ZP2: variants seen among roughly 807,000 people sequenced by gnomAD.
The protein encoded by ZP2 is zona pellucida glycoprotein 2, also known as zona pellucida sperm-binding protein 2.
In ZP2, 51 loss-of-function variants were observed where a neutral mutation model predicts 84.0. That is an observed-to-expected ratio of 0.61 (90% confidence interval 0.49 to 0.77). The LOEUF (loss-of-function observed/expected upper bound fraction) is 0.77. Ranked by LOEUF, ZP2 falls within the 30% of genes least tolerant of loss-of-function variation. The probability of loss-of-function intolerance (pLI) is 0.00; values close to 1 mark genes in which losing one functional copy is unlikely to be tolerated. For synonymous variants in ZP2, 375 were observed against 330.9 expected (o/e 1.13, Z -1.45); for missense variants, 909 against 911.9 (o/e 1.00, Z 0.04).
Position 21,197,552 on chromosome 16 carries a change from G to T in ZP2, c.2166C>A (p.Ala722=), listed in dbSNP as rs558297458. Residue 722 remains alanine, a synonymous_variant, in exon 19 of 19, where the codon GCC becomes GCA. Transcript: ENST00000574091. ...CTAGAGTTGCCACCACACCTGCAAA[G>T]GCAGCCACAGCAGCCACAGCTTTGG... ...VGSKAVAAVA[A]FAGVVATLGF... 11 of 1,614,116 alleles carry T rather than the reference G, an allele frequency of 6.8e-6. No homozygotes were observed. In the African/African-American group the frequency reaches 1.5e-4, roughly 22 times the overall value.
rs1253736696 is a variant in ZP2, at chr16:21,197,520, A to G, written c.2198T>C (p.Ile733Thr). The change falls in exon 19 of 19, where the codon ATC becomes ACC. Residue 733 changes from isoleucine (I) to threonine (T), a missense_variant. By Grantham distance (89) the Ile-to-Thr change is moderately conservative. Coordinates refer to ENST00000574091, the MANE Select transcript of ZP2 (RefSeq NM_001376232.1). Reference sequence around the variant, plus strand: ...AGTCCTTTTCTCGTACAGGTAGTAGATGAAGCCTAGAGTTGCCACCACACC... The same window carrying G: ...AGTCCTTTTCTCGTACAGGTAGTAGGTGAAGCCTAGAGTTGCCACCACACC... ...FAGVVATLGF[I>T]YYLYEKRTVS... 1.9e-6 allele frequency: 3 copies of G among 1,614,076 alleles called. No homozygotes were observed. The African/African-American group carries it at 4.0e-5, about 22-fold the overall frequency.
In ZP2 at chr16:21,197,705, G is replaced by C. The variant is rs540680176; in HGVS notation, c.2095+61C>G. On this transcript the variant is annotated intron_variant, in intron 18 of 18. Transcript: ENST00000574091. ...CCTTACATAAGGCTCCCCAGAGAAG[G>C]GGGTAAAACTAAGCCTTCAACAGGC... is the stretch of plus-strand genomic sequence containing the variant. 171 of 1,612,416 alleles carry C rather than the reference G, an allele frequency of 1.1e-4. No homozygotes were observed. The African/African-American group carries it at 1.9e-3, about 18-fold the overall frequency.
chr16:21,197,788 T>C lies in ZP2; in HGVS notation c.2073A>G (p.Thr691=). ...TACCTCGTGAGCCAACCTCCTCCCC[T>C]GTTTCACTCCTACTCTTCTCCCCAC... The part of the protein sequence containing the change: ...GSSGEKSRSE[T]GEEVGSRGAM... The change falls in exon 18 of 19, where the codon ACA becomes ACG. Residue 691 remains threonine, a synonymous_variant. Coordinates refer to ENST00000574091, the MANE Select transcript of ZP2 (RefSeq NM_001376232.1). 1 of 1,614,118 alleles carries C rather than the reference T, an allele frequency of 6.2e-7. No homozygotes were observed. Among genetic ancestry groups the C allele is most frequent in the Non-Finnish European group, 8.5e-7 (1 of 1,179,958 alleles).
chr16:21,211,570 A>G lies in ZP2; in HGVS notation c.-23T>C. 4 of 1,614,036 alleles carry G rather than the reference A, an allele frequency of 2.5e-6. No individual in the cohort carries two copies. Among genetic ancestry groups the G allele is most frequent in the Non-Finnish European group, 3.4e-6 (4 of 1,180,026 alleles). On this transcript the variant is annotated 5_prime_UTR_variant, in exon 1 of 19. Coordinates refer to ENST00000574091, the MANE Select transcript of ZP2 (RefSeq NM_001376232.1). The stretch of plus-strand genomic sequence containing the variant: ...CATAGCAGAAGACACTACCAGATCA[A>G]CCAGGTAGAGGGTAGGCTGCTCTGT...
In ZP2 at chr16:21,211,525, C is replaced by A. The variant is rs746339116; in HGVS notation, c.23G>T (p.Gly8Val). Residue 8 changes from glycine to valine, a missense_variant, in exon 1 of 19, where the codon GGC (glycine) becomes GTC (valine). Transcript: ENST00000574091. ...GAACCAGCCTGAGGGACTCCAAGAG[C>A]CTCCTCTCTGCCTGCACGCCATAGC... Reference protein sequence around the residue: MACRQRGGSWSPSGWFNA... With the variant: MACRQRGVSWSPSGWFNA... The A allele has an allele frequency of 3.7e-6, 6 of 1,614,086 alleles. No homozygotes were observed. The African/African-American group carries it at 8.0e-5, about 22-fold the overall frequency.
chr16:21,208,314 G>T (rs2093259604), intron 4 of ZP2, among the ~76,000 whole-genome samples: 1 of 152,172 alleles, frequency 6.6e-6, no homozygotes, highest in African/African-American at 2.4e-5. Context: ...TGTTGAGAAG[G>T]TCTGTTTTAG....
Position 21,203,252 on chromosome 16 carries a change from C to A in ZP2, c.973-1G>T. 6.2e-7 allele frequency: 1 copy of A among 1,613,310 alleles called. No individual in the cohort carries two copies. The highest frequency in any genetic ancestry group is 8.5e-7 in the Non-Finnish European group (1 of 1,179,648). The stretch of plus-strand genomic sequence containing the variant: ...GATGGAGTAGGCATTTTTCAGATAA[C>A]TGAAATGAGAAAATGTCAATTAGCA... On this transcript the variant is annotated splice_acceptor_variant, in intron 9 of 18. Transcript: ENST00000574091. LOFTEE classifies it high-confidence loss of function.
chr16:21,208,973 A>C (rs2152856426), intron 4 of ZP2, among the ~76,000 whole-genome samples: 1 of 152,314 alleles, frequency 6.6e-6, no homozygotes, highest in South Asian at 2.1e-4. Flanking sequence ...CAAGTACTTG[A>C]ATGCCAGGGT....
chr16:21,198,749 C>T, intron 17 of ZP2, 30 bp downstream of exon 17: 1 of 1,602,864 alleles, frequency 6.2e-7, no homozygotes, highest in Non-Finnish European at 8.5e-7. Context: ...AACTTGAATC[C>T]AGGAAGTACT....
chr16:21,202,137 G>A lies in ZP2; in HGVS notation c.1254C>T (p.His418=). The A allele has an allele frequency of 6.2e-7, 1 of 1,613,000 alleles. No individual in the cohort carries two copies. ...TCGTTCCACATCCATTCAGGGGTATGTGGAACCGTACCAGCCCCTGAGACT... is the reference window on the plus strand; with the variant it reads ...TCGTTCCACATCCATTCAGGGGTATATGGAACCGTACCAGCCCCTGAGACT... ...EAQSQGLVRF[H]IPLNGCGTRY... Residue 418 remains histidine (H), a synonymous_variant, in exon 11 of 19, where the codon CAC becomes CAT. Coordinates refer to ENST00000574091, the MANE Select transcript of ZP2 (RefSeq NM_001376232.1).
In ZP2 at chr16:21,207,080, C is replaced by A. The variant is rs558280413; in HGVS notation, c.331-90G>T. 1.4e-4 allele frequency: 206 copies of A among 1,495,540 alleles called. 2 individuals are homozygous for A. In the South Asian group the frequency reaches 2.3e-3, roughly 17 times the overall value. 92.6% of individuals were successfully genotyped at this position (1,495,540 alleles called of 1,614,324 possible). A position where few individuals can be genotyped will look rare whatever the true frequency, so the allele number is the denominator to read the frequency against. ...ATCTGACCCATCTGAGTGGGAAAAC[C>A]CTTAAAGTTACTAATACCACAAGTG... On this transcript the variant is annotated intron_variant, in intron 4 of 18. Coordinates refer to ENST00000574091, the MANE Select transcript of ZP2 (RefSeq NM_001376232.1).
At chr16:21,208,228 T>C (rs1364852832) in intron 4 of ZP2, among the ~76,000 whole-genome samples, 1 of 152,194 alleles carries the variant, frequency 6.6e-6, no homozygotes, top group African/African-American at 2.4e-5. Flanking sequence ...AAAGAGACCA[T>C]GGACTGCGTT....
At position 21,205,475 on chromosome 16, in the gene ZP2, T is replaced by C. The variant is rs1567214919; in HGVS notation, c.638A>G (p.Asn213Ser). Residue 213 changes from asparagine to serine, a missense_variant, in exon 7 of 19, where the codon AAC becomes AGC. Physicochemically the swap from Asn to Ser is conservative, Grantham distance 46. Transcript: ENST00000574091. The stretch of plus-strand genomic sequence containing the variant: ...TGGCACATGGAAGGTCATCCTGTGG[T>C]TGTCAATCAAGAGGCTGAAGCCTTC... ...MKEGFSLLID[N>S]HRMTFHVPFN... 1 of 1,613,948 alleles carries C rather than the reference T, an allele frequency of 6.2e-7. No individual in the cohort carries two copies. The highest frequency in any genetic ancestry group is 8.5e-7 in the Non-Finnish European group (1 of 1,179,992).
chr16:21,201,803 C>G lies in ZP2; in HGVS notation c.1407G>C (p.Arg469Ser), dbSNP rs368803645. The G allele has an allele frequency of 6.2e-7, 1 of 1,613,934 alleles. No homozygotes were observed. The highest frequency in any genetic ancestry group is 8.5e-7 in the Non-Finnish European group (1 of 1,180,004). ...CGTTGATGTTTAGTAGCATGTCATT[C>G]CTGCTATAAGAACACTTCACTGTCA... Reference protein sequence around the residue: ...FRMTVKCSYSRNDMLLNINVE... With the variant: ...FRMTVKCSYSSNDMLLNINVE... Residue 469 changes from arginine to serine, a missense_variant, in exon 13 of 19, where the codon AGG (arginine) becomes AGC (serine). Transcript: ENST00000574091.
chr16:21,201,761 A>T lies in ZP2; in HGVS notation c.1449T>A (p.Pro483=), dbSNP rs763972093. The T allele has an allele frequency of 6.2e-7, 1 of 1,614,124 alleles. No individual in the cohort carries two copies. Among genetic ancestry groups the T allele is most frequent in the Non-Finnish European group, 8.5e-7 (1 of 1,180,020 alleles). Residue 483 remains proline, a synonymous_variant, in exon 13 of 19, where the codon CCT becomes CCA. Coordinates refer to ENST00000574091, the MANE Select transcript of ZP2 (RefSeq NM_001376232.1). ...LLNINVESLT[P]PVASVKLGPF... Reference sequence around the variant, plus strand: ...GACCCAACTTCACTGAGGCCACTGGAGGAGTAAGGCTTTCAACGTTGATGT... The same window carrying T: ...GACCCAACTTCACTGAGGCCACTGGTGGAGTAAGGCTTTCAACGTTGATGT...
chr16:21,201,261 G>T, intron 14 of ZP2, 108 bp downstream of exon 14: 1 of 986,390 alleles, frequency 1.0e-6, no homozygotes, highest in Non-Finnish European at 1.4e-6. Context: ...GACTAAATCT[G>T]GATCTCACAT....
In ZP2 at chr16:21,211,287, C is replaced by T. The variant is rs752419151; in HGVS notation, c.151+20G>A. 1.9e-6 allele frequency: 3 copies of T among 1,609,868 alleles called. No homozygotes were observed. The highest frequency in any genetic ancestry group is 1.3e-5 in the African/African-American group (1 of 74,910). The stretch of plus-strand genomic sequence containing the variant: ...CCTGTTTTCTCTGCTAAGAAGACTT[C>T]TGTCACCCAAGAGACATACCTGGAA... On this transcript the variant is annotated intron_variant, in intron 2 of 18. Transcript: ENST00000574091.
intron 3 of ZP2, 159 bp downstream of exon 3, chr16:21,209,950 T>G (rs1032188919): frequency 4.1e-6 from 3 of 726,096 alleles, no homozygotes; most frequent in Non-Finnish European, 7.1e-6. Context: ...AGGTCTTCCA[T>G]GCTGGGTGGC....
rs1469748385 is a variant in ZP2, at chr16:21,199,796, A to G, written c.1777T>C (p.Phe593Leu). 1 of 1,613,892 alleles carries G rather than the reference A, an allele frequency of 6.2e-7. No individual in the cohort carries two copies. The change falls in exon 15 of 19, where the codon TTT becomes CTT. Residue 593 changes from phenylalanine (F) to leucine (L), a missense_variant. Coordinates refer to ENST00000574091, the MANE Select transcript of ZP2 (RefSeq NM_001376232.1). The stretch of plus-strand genomic sequence containing the variant: ...ACAAAGGCAAAAGCCTTCATGTCAA[A>G]CCTCTGATAGTGATCAGGATGGGTC... ...SVTHPDHYQRFDMKAFAFVSE... is the reference protein window; with the variant it reads ...SVTHPDHYQRLDMKAFAFVSE...
Sources: gnomAD v4.1 joint callset for allele counts (sites outside exome capture counted in the v4.1 genomes callset) on GRCh38, gnomAD v4.1.1 for gene constraint, MANE v1.5 for transcripts, NCBI Gene and HGNC (gene_info 2026-07-23, HGNC 2026-07-21) for gene names.